PRKG1: variants seen among roughly 807,000 people sequenced by gnomAD.
PRKG1 encodes cGMP-dependent protein kinase 1.
PRKG1 carries 35 observed loss-of-function variants against 88.1 expected under a neutral mutation model. That is an observed-to-expected ratio of 0.40 (90% CI 0.30 to 0.53). The LOEUF (loss-of-function observed/expected upper bound fraction) is 0.53, where lower values mean the gene tolerates loss of function less well. Ranked by LOEUF, PRKG1 falls within the 20% of genes least tolerant of loss-of-function variation. The probability of loss-of-function intolerance (pLI) is 0.59; values close to 1 mark genes in which losing one functional copy is unlikely to be tolerated. For synonymous variants in PRKG1, 303 were observed against 292.5 expected (o/e 1.04, Z -0.37); for missense variants, 540 against 839.8 (o/e 0.64, Z 4.41).
intron 8 of PRKG1, among the ~76,000 whole-genome samples, chr10:52,150,926 A>G (rs1279478886): frequency 6.6e-6 from 1 of 152,176 alleles, no homozygotes; most frequent in African/African-American, 2.4e-5. Context: ...ACTATAATTG[A>G]TATGTCTATA....
At chr10:51,030,327 T>C (rs192440968) in intron 1 of PRKG1, among the ~76,000 whole-genome samples, 1 of 152,270 alleles carries the variant, frequency 6.6e-6, no homozygotes, top group Admixed American at 6.5e-5. Context: ...AATATGTGAA[T>C]CATTGTCACG....
intron 4 of PRKG1, among the ~76,000 whole-genome samples, chr10:51,839,710 C>T (rs1444128794): frequency 2.0e-5 from 3 of 152,084 alleles, no homozygotes; most frequent in Non-Finnish European, 4.4e-5. Context: ...TTATTCTTTA[C>T]CTTATGGCAG....
chr10:51,759,618 G>GT (rs1837967017), intron 3 of PRKG1, among the ~76,000 whole-genome samples: 1 of 152,104 alleles, frequency 6.6e-6, no homozygotes, highest in African/African-American at 2.4e-5. Flanking sequence ...TTAGGACAAG[G>GT]TAAGTTTCTA....
chr10:52,076,503 G>A (rs1227369361), intron 7 of PRKG1, among the ~76,000 whole-genome samples: 1 of 152,190 alleles, frequency 6.6e-6, no homozygotes, highest in African/African-American at 2.4e-5. Context: ...GTTGCAGTGA[G>A]CTGAGACCAT....
intron 2 of PRKG1, among the ~76,000 whole-genome samples, chr10:51,334,585 G>A (rs59172236): frequency 8.6e-4 from 131 of 152,092 alleles, no homozygotes; most frequent in African/African-American, 2.9e-3. Context: ...CCTCTCTTCC[G>A]TGGCCTCTTT....
At chr10:52,103,628 A>G (rs1847346379) in intron 7 of PRKG1, among the ~76,000 whole-genome samples, 1 of 152,152 alleles carries the variant, frequency 6.6e-6, no homozygotes, top group Non-Finnish European at 1.5e-5. Context: ...CATCAACAGC[A>G]GTCTATTAGT....
At chr10:51,814,700 A>C (rs1839541459) in intron 4 of PRKG1, among the ~76,000 whole-genome samples, 1 of 152,156 alleles carries the variant, frequency 6.6e-6, no homozygotes, top group Non-Finnish European at 1.5e-5. Flanking sequence ...GGAGCAGGTA[A>C]ATCTAAAAGT....
chr10:52,261,915 T>A (rs1841442428), intron 10 of PRKG1, among the ~76,000 whole-genome samples: 1 of 152,132 alleles, frequency 6.6e-6, no homozygotes, highest in African/African-American at 2.4e-5. Flanking sequence ...CATTTCCTTT[T>A]AAGAATGTAG....
At chr10:51,962,223 A>G (rs1843464398) in intron 5 of PRKG1, among the ~76,000 whole-genome samples, 1 of 152,150 alleles carries the variant, frequency 6.6e-6, no homozygotes, top group African/African-American at 2.4e-5. Flanking sequence ...CTGGAGCTGG[A>G]CATCTAGGGT....
At chr10:52,218,182 G>A (rs1179746105) in intron 9 of PRKG1, among the ~76,000 whole-genome samples, 2 of 146,422 alleles carry the variant, frequency 1.4e-5, no homozygotes, top group Non-Finnish European at 3.0e-5. Flanking sequence ...CTGCACGCTA[G>A]CCTGGGTGAC....
chr10:51,181,329 C>G (rs1396861646), intron 2 of PRKG1, among the ~76,000 whole-genome samples: 16 of 148,126 alleles, frequency 1.1e-4, no homozygotes, highest in African/African-American at 2.7e-4. Flanking sequence ...GCAAGCTCCG[C>G]TTCCCGGGTT....
At chr10:52,189,280 T>C (rs772169662) in intron 9 of PRKG1, among the ~76,000 whole-genome samples, 4 of 152,192 alleles carry the variant, frequency 2.6e-5, no homozygotes, top group Non-Finnish European at 5.9e-5. Flanking sequence ...ACTTTCCTTT[T>C]ACTTCGCAAT....
intron 9 of PRKG1, among the ~76,000 whole-genome samples, chr10:52,205,661 C>A (rs1482301886): frequency 6.6e-6 from 1 of 152,098 alleles, no homozygotes; most frequent in African/African-American, 2.4e-5. Context: ...ATTTCTCCTT[C>A]TTTTATGAAG....
chr10:51,062,134 C>A (rs751434212), intron 1 of PRKG1, among the ~76,000 whole-genome samples: 1 of 152,182 alleles, frequency 6.6e-6, no homozygotes, highest in Non-Finnish European at 1.5e-5. Context: ...AGGATCAGAT[C>A]ACCCAAACCA....
chr10:51,010,831 G>A (rs145654450), intron 1 of PRKG1, among the ~76,000 whole-genome samples: 85 of 152,260 alleles, frequency 5.6e-4, no homozygotes, highest in African/African-American at 2.0e-3. Flanking sequence ...ACAAAATAAA[G>A]TACTCTCTTT....
chr10:51,706,257 G>A (rs1208015595), intron 3 of PRKG1, among the ~76,000 whole-genome samples: 2 of 152,156 alleles, frequency 1.3e-5, no homozygotes, highest in Non-Finnish European at 2.9e-5. Context: ...ATGAAACAAT[G>A]TACAGAGGAA....
chr10:52,239,461 A>T (rs1840790603), intron 9 of PRKG1, among the ~76,000 whole-genome samples: 1 of 148,390 alleles, frequency 6.7e-6, no homozygotes, highest in Non-Finnish European at 1.5e-5. Flanking sequence ...TGTTTAAGGG[A>T]AAGCCAATAA....
chr10:51,454,101 C>T (rs1039907812), intron 2 of PRKG1, among the ~76,000 whole-genome samples: 2 of 151,944 alleles, frequency 1.3e-5, no homozygotes, highest in African/African-American at 2.4e-5. Flanking sequence ...ATCAACAGCA[C>T]AAACAAATGG....
intron 5 of PRKG1, among the ~76,000 whole-genome samples, chr10:51,941,700 G>A (rs1396671055): frequency 6.7e-6 from 1 of 149,112 alleles, no homozygotes; most frequent in African/African-American, 2.5e-5. Context: ...AAGAACATGT[G>A]GTGTTTGGTT....
Sources: allele counts gnomAD v4.1 joint callset (sites outside exome capture counted in the v4.1 genomes callset), GRCh38; gene constraint gnomAD v4.1.1; transcripts MANE v1.5; gene names NCBI Gene and HGNC (gene_info 2026-07-23, HGNC 2026-07-21).